ENTREP2: variants seen among roughly 807,000 people sequenced by gnomAD.
The protein encoded by ENTREP2 is protein ENTREP2.
At chr15:29,354,059 C>G in the ENTREP2 span, among the ~76,000 whole-genome samples, 1 of 152,180 alleles carries the variant, frequency 6.6e-6, no homozygotes, top group African/African-American at 2.4e-5. Flanking sequence ...AATCTGTAGA[C>G]TGGAGTAGAG....
the ENTREP2 span, among the ~76,000 whole-genome samples, chr15:29,179,128 C>G: frequency 1.3e-5 from 2 of 152,210 alleles, no homozygotes; most frequent in Non-Finnish European, 2.9e-5. Context: ...ATTGAATTTA[C>G]CCACAAACTT....
At chr15:29,175,074 C>T in the ENTREP2 span, among the ~76,000 whole-genome samples, 1 of 152,144 alleles carries the variant, frequency 6.6e-6, no homozygotes, top group Non-Finnish European at 1.5e-5. Flanking sequence ...GGTCCACAGT[C>T]CTGAAGCTAA....
the ENTREP2 span, among the ~76,000 whole-genome samples, chr15:29,328,197 C>T: frequency 6.6e-6 from 1 of 152,120 alleles, no homozygotes; most frequent in Non-Finnish European, 1.5e-5. Context: ...TAACATATTG[C>T]ATAATTCCAA....
At chr15:29,549,039 C>A in the ENTREP2 span, among the ~76,000 whole-genome samples, 1 of 152,162 alleles carries the variant, frequency 6.6e-6, no homozygotes, top group Admixed American at 6.5e-5. Context: ...TAACTGCAGG[C>A]AGCAGGACAA....
At chr15:29,451,176 G>A in the ENTREP2 span, among the ~76,000 whole-genome samples, 3 of 152,210 alleles carry the variant, frequency 2.0e-5, no homozygotes, top group African/African-American at 7.2e-5. Flanking sequence ...TGTTCCCACT[G>A]AGCCTCTGGT....
At chr15:29,432,016 C>G in the ENTREP2 span, among the ~76,000 whole-genome samples, 45 of 152,286 alleles carry the variant, frequency 3.0e-4, 1 homozygote, top group African/African-American at 1.0e-3. Context: ...GAGATTTCAT[C>G]CTTTGTTGCT....
chr15:29,530,090 C>T, the ENTREP2 span, among the ~76,000 whole-genome samples: 1 of 152,120 alleles, frequency 6.6e-6, no homozygotes, highest in Non-Finnish European at 1.5e-5. Flanking sequence ...GGTGGTCTTT[C>T]CCGCTCACAT....
chr15:29,456,019 A>G, the ENTREP2 span, among the ~76,000 whole-genome samples: 1 of 152,178 alleles, frequency 6.6e-6, no homozygotes, highest in Non-Finnish European at 1.5e-5. Flanking sequence ...TAATTATTTC[A>G]TTATATAGTA....
chr15:29,179,652 C>T, the ENTREP2 span, among the ~76,000 whole-genome samples: 1 of 151,384 alleles, frequency 6.6e-6, no homozygotes, highest in Admixed American at 6.6e-5. Context: ...GCGATCTCAG[C>T]TCACTGCAAG....
chr15:29,369,984 C>A, the ENTREP2 span, among the ~76,000 whole-genome samples: 1 of 152,168 alleles, frequency 6.6e-6, no homozygotes, highest in African/African-American at 2.4e-5. Context: ...GCAGGAGATG[C>A]GATTGTCCAA....
chr15:29,268,700 C>T, the ENTREP2 span: 1 of 1,329,556 alleles, frequency 7.5e-7, no homozygotes, highest in South Asian at 1.5e-5. Context: ...CAGCAATATG[C>T]TCCCTGGGTT....
the ENTREP2 span, chr15:29,123,005 G>A: frequency 5.5e-5 from 12 of 219,836 alleles, no homozygotes; most frequent in Admixed American, 2.7e-4. Context: ...CGTAAGTGTC[G>A]CCTGTTGCTG....
At chr15:29,405,429 A>G in the ENTREP2 span, among the ~76,000 whole-genome samples, 4 of 149,802 alleles carry the variant, frequency 2.7e-5, no homozygotes, top group African/African-American at 7.4e-5. Flanking sequence ...CACTCGCCCC[A>G]CTCAATGACA....
chr15:29,494,203 G>GAAA, the ENTREP2 span, among the ~76,000 whole-genome samples: 1,303 of 147,690 alleles, frequency 8.8e-3, 14 homozygotes, highest in African/African-American at 0.031. Context: ...AAGACTATAG[G>GAAA]AAAAAAAAAA....
At chr15:29,453,764 A>G in the ENTREP2 span, among the ~76,000 whole-genome samples, 1 of 152,212 alleles carries the variant, frequency 6.6e-6, no homozygotes, top group East Asian at 1.9e-4. Context: ...CCTACTGTAT[A>G]GCAGGAATCT....
At chr15:29,621,251 C>T in the ENTREP2 span, among the ~76,000 whole-genome samples, 56 of 151,746 alleles carry the variant, frequency 3.7e-4, no homozygotes, top group African/African-American at 1.2e-3. Context: ...AGGCGGGGCA[C>T]AGTGGCTCAC....
At chr15:29,198,280 C>T in the ENTREP2 span, among the ~76,000 whole-genome samples, 12 of 152,312 alleles carry the variant, frequency 7.9e-5, no homozygotes, top group African/African-American at 2.6e-4. Context: ...AGGAAAAGAA[C>T]AGATTCCAGG....
chr15:29,127,609 A>C, the ENTREP2 span, among the ~76,000 whole-genome samples: 1 of 152,146 alleles, frequency 6.6e-6, no homozygotes, highest in South Asian at 2.1e-4. Flanking sequence ...TCTACTCAGG[A>C]GAGTCCTGAC....
At chr15:29,268,913 T>C in the ENTREP2 span, 1 of 1,614,178 alleles carries the variant, frequency 6.2e-7, no homozygotes, top group Non-Finnish European at 8.5e-7. Flanking sequence ...GCCACAAACT[T>C]AAGAACTTTC....
Sources: gnomAD v4.1 joint callset for allele counts (sites outside exome capture counted in the v4.1 genomes callset) on GRCh38, gnomAD v4.1.1 for gene constraint, MANE v1.5 for transcripts, NCBI Gene and HGNC (gene_info 2026-07-23, HGNC 2026-07-21) for gene names.